SYNE1: variants seen among roughly 807,000 people sequenced by gnomAD.
SYNE1 encodes nesprin-1.
Under a neutral mutation model 1,111.0 loss-of-function variants are expected in SYNE1, and 616 were observed. The observed-to-expected ratio is 0.55, with a 90% CI of 0.52 to 0.59. The LOEUF (loss-of-function observed/expected upper bound fraction) is 0.59, where lower values mean the gene tolerates loss of function less well. SYNE1 is among the 20% of genes least tolerant of loss of function. The pLI, the probability that SYNE1 is intolerant of heterozygous loss-of-function variation, is 0.00. For synonymous variants in SYNE1, 3,855 were observed against 3,825.8 expected (o/e 1.01, Z -0.28); for missense variants, 10,006 against 10,417.0 (o/e 0.96, Z 1.72).
At chr6:152,385,919 G>A in intron 54 of SYNE1, 81 bp from the exon 55 acceptor site, 10 of 1,344,728 alleles carry the variant, frequency 7.4e-6, no homozygotes, top group Non-Finnish European at 1.1e-5. Context: ...CCTGATAGAG[G>A]TCTCTTAACA....
chr6:152,317,963 C>A, intron 86 of SYNE1, 118 bp downstream of exon 86: 1 of 1,352,424 alleles, frequency 7.4e-7, no homozygotes, highest in Non-Finnish European at 1.0e-6. Flanking sequence ...TACACCTAAA[C>A]TACTCTCTCA....
intron 98 of SYNE1, among the ~76,000 whole-genome samples, chr6:152,269,955 G>A (rs1006719387): frequency 2.0e-5 from 3 of 152,070 alleles, no homozygotes; most frequent in Non-Finnish European, 2.9e-5. Context: ...TTCCCAGGCC[G>A]GCTGGACATC....
At chr6:152,542,993 G>C (rs11968876) in intron 3 of SYNE1, among the ~76,000 whole-genome samples, 13,625 of 151,682 alleles carry the variant, frequency 0.09, 2,001 homozygotes, top group African/African-American at 0.31. Flanking sequence ...AATATAAATT[G>C]GCATAATATG....
At chr6:152,436,896 C>T (rs977397567) in intron 32 of SYNE1, among the ~76,000 whole-genome samples, 11 of 151,900 alleles carry the variant, frequency 7.2e-5, no homozygotes, top group African/African-American at 1.7e-4. Context: ...CCAGGCATGA[C>T]GGCTCATGCC....
chr6:152,217,713 C>T (rs1157971117), intron 121 of SYNE1, among the ~76,000 whole-genome samples: 3 of 151,806 alleles, frequency 2.0e-5, no homozygotes, highest in East Asian at 3.9e-4. Flanking sequence ...GGACTGGGTA[C>T]AGGAACATGG....
At chr6:152,339,405 G>A in intron 74 of SYNE1, 39 bp from the exon 75 acceptor site, 1 of 1,609,998 alleles carries the variant, frequency 6.2e-7, no homozygotes, top group East Asian at 2.2e-5. Flanking sequence ...AGATGCATCA[G>A]CTATTTAGAT....
chr6:152,340,313 G>A (rs2096505801), intron 74 of SYNE1, among the ~76,000 whole-genome samples: 1 of 152,100 alleles, frequency 6.6e-6, no homozygotes, highest in Non-Finnish European at 1.5e-5. Context: ...GGTGGGCGGG[G>A]GCAAGTCATG....
At chr6:152,266,298 C>T (rs1447077123) in intron 100 of SYNE1, among the ~76,000 whole-genome samples, 2 of 152,006 alleles carry the variant, frequency 1.3e-5, no homozygotes, top group African/African-American at 4.8e-5. Flanking sequence ...GCAGAAGATC[C>T]CTTCTGCTCC....
intron 42 of SYNE1, among the ~76,000 whole-genome samples, chr6:152,411,695 A>G (rs2098047973): frequency 1.3e-5 from 2 of 150,126 alleles, no homozygotes; most frequent in South Asian, 4.3e-4. Context: ...CTGCTCCACA[A>G]GGAGCACTTA....
Position 152,148,324 on chromosome 6 carries a change from CAG to C in SYNE1, c.24695_24696del (p.Ser8232CysfsTer45). On this transcript the variant is annotated frameshift_variant, in exon 137 of 146. Coordinates refer to ENST00000367255, the MANE Select transcript of SYNE1 (RefSeq NM_182961.4). LOFTEE classifies it high-confidence loss of function. This position sits in a 1 kb window ranked among gnomAD's most constrained non-coding sequence, Gnocchi z 4.1. Reference protein sequence around the residue: ...LSDRELELEDSAALSDLHWHD... With the variant: ...LSDRELELEDXAALSDLHWHD... ...TGCCAGTGCAGGTCCGACAGAGCTG[CAG>C]AGTCTTCCAGCTCCAGCTCCCTGTC... 2.5e-6 allele frequency: 4 copies of C among 1,614,130 alleles called. No homozygotes were observed. Among genetic ancestry groups the C allele is most frequent in the East Asian group, 2.2e-5 (1 of 44,878 alleles).
At chr6:152,518,582 T>G (rs1219130557) in intron 6 of SYNE1, among the ~76,000 whole-genome samples, 3 of 152,126 alleles carry the variant, frequency 2.0e-5, no homozygotes, top group East Asian at 3.9e-4. Context: ...CATGAGCCAA[T>G]TAAACCTCAT....
At position 152,449,519 on chromosome 6, in the gene SYNE1, G is replaced by T; in HGVS notation, c.3504+14C>A. The T allele has an allele frequency of 6.3e-7, 1 of 1,593,566 alleles. No individual in the cohort carries two copies. Among genetic ancestry groups the T allele is most frequent in the South Asian group, 1.1e-5 (1 of 90,546 alleles). On this transcript the variant is annotated intron_variant, in intron 28 of 145. Transcript: ENST00000367255. ...GAGAAATTTTCCTCTAGCAAATAAT[G>T]ACCCTGAACTTACTTCAACGGCACG...
At position 152,218,293 on chromosome 6, in the gene SYNE1, G is replaced by A. The variant is rs1721490171; in HGVS notation, c.22155C>T (p.Asp7385=). The change falls in exon 121 of 146, where the codon GAC becomes GAT. Residue 7385 remains aspartate, a synonymous_variant. Coordinates refer to ENST00000367255, the MANE Select transcript of SYNE1 (RefSeq NM_182961.4). ...LQGQDPSHSS[D]LSTIQERMEE... ...CCATCCTTTCCTGGATTGTGGAGAGGTCAGATGAGTGGCTAGGGTCCTGCC... is the reference window on the plus strand; with the variant it reads ...CCATCCTTTCCTGGATTGTGGAGAGATCAGATGAGTGGCTAGGGTCCTGCC... 1 of 1,614,008 alleles carries A rather than the reference G, an allele frequency of 6.2e-7. No homozygotes were observed. The highest frequency in any genetic ancestry group is 1.3e-5 in the African/African-American group (1 of 74,902).
chr6:152,416,391 G>A lies in SYNE1; in HGVS notation c.6046C>T (p.Gln2016Ter). The A allele has an allele frequency of 1.2e-6, 2 of 1,613,952 alleles. No individual in the cohort carries two copies. The highest frequency in any genetic ancestry group is 1.7e-6 in the Non-Finnish European group (2 of 1,180,038). Residue 2016 changes from glutamine (Q) to a stop codon, truncating the protein, a stop_gained, in exon 41 of 146, where the codon CAG becomes TAG. Transcript: ENST00000367255. LOFTEE classifies it high-confidence loss of function. ...LKEPTRQALQ[Q>*]RLRVFNQLED... ...CCGTGACAGTTTCCTATTTACCTCT[G>A]CTGAAGAGCTTGGCGGGTAGGTTCT...
At chr6:152,140,569 G>A (rs1253337128) in intron 139 of SYNE1, among the ~76,000 whole-genome samples, 4 of 152,122 alleles carry the variant, frequency 2.6e-5, no homozygotes, top group African/African-American at 7.2e-5. Flanking sequence ...GTGGTAGTGC[G>A]CGCCTGTAAT....
intron 5 of SYNE1, among the ~76,000 whole-genome samples, chr6:152,524,705 T>C (rs2154352534): frequency 6.6e-6 from 1 of 152,146 alleles, no homozygotes; most frequent in South Asian, 2.1e-4. Flanking sequence ...TGAGGATGTG[T>C]GGAGAGCGAG....
intron 122 of SYNE1, among the ~76,000 whole-genome samples, chr6:152,214,219 A>T (rs2078128539): frequency 1.3e-5 from 2 of 151,922 alleles, no homozygotes; most frequent in Non-Finnish European, 2.9e-5. Flanking sequence ...AAGAAGAAAG[A>T]AAGTTGAAAA....
intron 14 of SYNE1, chr6:152,478,565 A>T (rs1297716164): frequency 6.6e-6 from 1 of 152,256 alleles, no homozygotes; most frequent in African/African-American, 2.4e-5. Flanking sequence ...CACAGATGCA[A>T]TTGCGTAGGT....
chr6:152,566,293 C>T (rs771770184), intron 3 of SYNE1, among the ~76,000 whole-genome samples: 1 of 152,004 alleles, frequency 6.6e-6, no homozygotes, highest in Admixed American at 6.6e-5. Context: ...AACATGTTCT[C>T]GCTTCTCAAG....
Sources: allele counts gnomAD v4.1 joint callset (sites outside exome capture counted in the v4.1 genomes callset), GRCh38; gene constraint gnomAD v4.1.1; non-coding constraint Gnocchi (gnomAD v3.1); transcripts MANE v1.5; gene names NCBI Gene and HGNC (gene_info 2026-07-23, HGNC 2026-07-21).